CNKSR3: variants seen among roughly 807,000 people sequenced by gnomAD.
CNKSR3 encodes connector enhancer of kinase suppressor of ras 3.
In CNKSR3, 36 loss-of-function variants were observed where a neutral mutation model predicts 67.7. The observed-to-expected ratio is 0.53, with a 90% CI of 0.41 to 0.70. CNKSR3 has a LOEUF of 0.70. CNKSR3 is among the 30% of genes least tolerant of loss of function. The pLI, the probability that CNKSR3 is intolerant of heterozygous loss-of-function variation, is 0.00. For synonymous variants in CNKSR3, 281 were observed against 271.4 expected (o/e 1.04, Z -0.35); for missense variants, 630 against 695.2 (o/e 0.91, Z 1.05).
rs1784756767 is a variant in CNKSR3, at chr6:154,404,857, A to C, written c.*1497T>G. 1 of 151,894 alleles carries C rather than the reference A, an allele frequency of 6.6e-6. No individual in the cohort carries two copies. Among genetic ancestry groups the C allele is most frequent in the African/African-American group, 2.4e-5 (1 of 41,352 alleles). 9.4% of individuals were successfully genotyped at this position (151,894 alleles called of 1,614,324 possible). On this transcript the variant is annotated 3_prime_UTR_variant, in exon 13 of 13. Transcript: ENST00000607772. Reference sequence around the variant, plus strand: ...AAAAACAAACAAACAAACAAAAAAAACCAGCCTGACTGAATTCAGTCACAG... The same window carrying C: ...AAAAACAAACAAACAAACAAAAAAACCCAGCCTGACTGAATTCAGTCACAG...
At position 154,394,542 on chromosome 6, in the gene CNKSR3, T is replaced by G. The variant is rs1784638581; in HGVS notation, c.*11812A>C. ...CCAAAGTGGACGTTGATGAGGAAAA[T>G]GTAAACTCTTAGTGTGTAAAGTCAC... On this transcript the variant is annotated 3_prime_UTR_variant, in exon 13 of 13. Coordinates refer to ENST00000607772, the MANE Select transcript of CNKSR3 (RefSeq NM_173515.4). 1 of 146,900 alleles carries G rather than the reference T, an allele frequency of 6.8e-6. No homozygotes were observed. Among genetic ancestry groups the G allele is most frequent in the Non-Finnish European group, 1.5e-5 (1 of 67,468 alleles). The allele number at this position is 146,900 out of a possible 1,614,324, so 9.1% of individuals were successfully genotyped here.
intron 5 of CNKSR3, among the ~76,000 whole-genome samples, chr6:154,431,936 C>A (rs1184241110): frequency 6.6e-6 from 1 of 152,124 alleles, no homozygotes; most frequent in Non-Finnish European, 1.5e-5. Flanking sequence ...TTGCTTCCAA[C>A]TTTTTTGGCA....
At chr6:154,454,154 C>T (rs939838058) in intron 1 of CNKSR3, among the ~76,000 whole-genome samples, 7 of 121,456 alleles carry the variant, frequency 5.8e-5, no homozygotes, top group Non-Finnish European at 1.2e-4. Context: ...GATAAGAGCC[C>T]GCAATCCAAT....
intron 1 of CNKSR3, among the ~76,000 whole-genome samples, chr6:154,482,218 C>T (rs1337283024): frequency 6.6e-6 from 1 of 152,174 alleles, no homozygotes; most frequent in Non-Finnish European, 1.5e-5. Context: ...CAGGCCACCT[C>T]GCACTTTAAT....
At chr6:154,408,497 T>C (rs962119310) in intron 12 of CNKSR3, among the ~76,000 whole-genome samples, 24 of 152,184 alleles carry the variant, frequency 1.6e-4, no homozygotes, top group African/African-American at 5.8e-4. Context: ...GCTTTTGTAA[T>C]GAAAGGGGAA....
In CNKSR3 at chr6:154,406,551, G is replaced by A. The variant is rs1185036500; in HGVS notation, c.1471C>T (p.Arg491Trp). 5.6e-6 allele frequency: 9 copies of A among 1,614,080 alleles called. No homozygotes were observed. The highest frequency in any genetic ancestry group is 1.6e-4 in the Middle Eastern group (1 of 6,084). Residue 491 changes from arginine to tryptophan, a missense_variant, in exon 13 of 13, where the codon CGG becomes TGG. This residue lies in a region of CNKSR3 where 308 missense variants were observed against 299.6 expected (regional missense o/e 1.03). Coordinates refer to ENST00000607772, the MANE Select transcript of CNKSR3 (RefSeq NM_173515.4). Reference sequence around the variant, plus strand: ...TAGTCCGCACCCCGGACCAGATGCCGCTCGGTCGTGGGTCTGGAGAACCGG... The same window carrying A: ...TAGTCCGCACCCCGGACCAGATGCCACTCGGTCGTGGGTCTGGAGAACCGG... ...PYRFSRPTTE[R>W]HLVRGADYIR...
chr6:154,495,597 ACTC>A (rs1786862306), intron 1 of CNKSR3, among the ~76,000 whole-genome samples: 1 of 150,098 alleles, frequency 6.7e-6, no homozygotes, highest in East Asian at 2.0e-4. Context: ...CTGGTTTTAA[ACTC>A]CTGGCCTCAA....
intron 2 of CNKSR3, among the ~76,000 whole-genome samples, chr6:154,448,434 C>CAAAAA (rs56872694): frequency 4.9e-5 from 6 of 121,746 alleles, no homozygotes; most frequent in East Asian, 2.5e-4. Context: ...CACGTTTGTA[C>CAAAAA]AAAAAAAAAA....
At chr6:154,465,977 T>G (rs967638581) in intron 1 of CNKSR3, among the ~76,000 whole-genome samples, 1 of 152,238 alleles carries the variant, frequency 6.6e-6, no homozygotes, top group Non-Finnish European at 1.5e-5. Context: ...CCCTCCAGGC[T>G]GGTAGTGACC....
At position 154,441,276 on chromosome 6, in the gene CNKSR3, A is replaced by G; in HGVS notation, c.507+16T>C. On this transcript the variant is annotated intron_variant, in intron 4 of 12. Coordinates refer to ENST00000607772, the MANE Select transcript of CNKSR3 (RefSeq NM_173515.4). ...AAAAAAAAAAAAAAAGAAAGTGAAA[A>G]TGACATACTACTGACCTTCTGGACT... is the stretch of plus-strand genomic sequence containing the variant. The G allele has an allele frequency of 1.4e-6, 2 of 1,451,324 alleles. No homozygotes were observed. Among genetic ancestry groups the G allele is most frequent in the Non-Finnish European group, 1.9e-6 (2 of 1,059,646 alleles). The allele number at this position is 1,451,324 out of a possible 1,614,324, so 89.9% of individuals were successfully genotyped here.
At position 154,387,814 on chromosome 6, in the gene CNKSR3, A is replaced by T. The variant is rs1001811005; in HGVS notation, c.*18540T>A. 1 of 152,194 alleles carries T rather than the reference A, an allele frequency of 6.6e-6. No homozygotes were observed. Among genetic ancestry groups the T allele is most frequent in the African/African-American group, 2.4e-5 (1 of 41,454 alleles). The allele number at this position is 152,194 out of a possible 1,614,324, so 9.4% of individuals were successfully genotyped here. Reference sequence around the variant, plus strand: ...CTATCATCAAATGTATTATGCATTTATTTTTTATCATTTGAAATAATAGCT... The same window carrying T: ...CTATCATCAAATGTATTATGCATTTTTTTTTTATCATTTGAAATAATAGCT... On this transcript the variant is annotated 3_prime_UTR_variant, in exon 13 of 13. Coordinates refer to ENST00000607772, the MANE Select transcript of CNKSR3 (RefSeq NM_173515.4).
At chr6:154,484,202 C>T (rs922051606) in intron 1 of CNKSR3, among the ~76,000 whole-genome samples, 2 of 152,116 alleles carry the variant, frequency 1.3e-5, no homozygotes, top group African/African-American at 4.8e-5. Context: ...TCATTATCAA[C>T]CCTCAAAATT....
intron 1 of CNKSR3, among the ~76,000 whole-genome samples, chr6:154,481,759 G>A (rs111272045): frequency 3.9e-5 from 6 of 152,168 alleles, no homozygotes; most frequent in African/African-American, 1.4e-4. Flanking sequence ...ACATTATCAG[G>A]CCAAGAAGGC....
chr6:154,507,006 C>T (rs977201897), intron 1 of CNKSR3, among the ~76,000 whole-genome samples: 2 of 152,214 alleles, frequency 1.3e-5, no homozygotes, highest in African/African-American at 4.8e-5. Flanking sequence ...AAACCACCTG[C>T]TCTGCTGGGT....
chr6:154,422,680 G>T, intron 8 of CNKSR3, 28 bp from the exon 9 acceptor site: 1 of 1,611,026 alleles, frequency 6.2e-7, no homozygotes, highest in South Asian at 1.1e-5. Context: ...GGGGAGGGAA[G>T]ACTTGCTCAT....
chr6:154,480,703 AC>A (rs958038176), intron 1 of CNKSR3, among the ~76,000 whole-genome samples: 76 of 152,308 alleles, frequency 5.0e-4, no homozygotes, highest in African/African-American at 1.7e-3. Context: ...TTTACATCCA[AC>A]AGAAGATATA....
chr6:154,415,927 C>T (rs148586524), intron 9 of CNKSR3, among the ~76,000 whole-genome samples: 3 of 152,224 alleles, frequency 2.0e-5, no homozygotes, highest in African/African-American at 7.2e-5. Context: ...GGAGTCAAGG[C>T]AGGGAAATAT....
At chr6:154,427,856 C>T (rs892310207) in intron 7 of CNKSR3, among the ~76,000 whole-genome samples, 1 of 152,128 alleles carries the variant, frequency 6.6e-6, no homozygotes, top group Admixed American at 6.6e-5. Context: ...TATGGCTTAA[C>T]ACTTCCAGTG....
At chr6:154,506,325 G>A (rs1362487778) in intron 1 of CNKSR3, among the ~76,000 whole-genome samples, 2 of 152,180 alleles carry the variant, frequency 1.3e-5, no homozygotes, top group African/African-American at 4.8e-5. Flanking sequence ...GAAGGAGGTA[G>A]TGAGGGAGGG....
Sources: gnomAD v4.1 joint callset for allele counts (sites outside exome capture counted in the v4.1 genomes callset) on GRCh38, gnomAD v4.1.1 for gene constraint, gnomAD v4.1.1 regional missense constraint, MANE v1.5 for transcripts, NCBI Gene and HGNC (gene_info 2026-07-23, HGNC 2026-07-21) for gene names.